ARHGAP15: variants seen among roughly 807,000 people sequenced by gnomAD.
ARHGAP15 encodes Rho GTPase activating protein 15, also known as rho GTPase-activating protein 15.
In ARHGAP15, 51 loss-of-function variants were observed where a neutral mutation model predicts 63.7. The ratio of observed to expected loss-of-function variants is 0.80; its 90% CI spans 0.64 to 1.01. The LOEUF (loss-of-function observed/expected upper bound fraction) is 1.01. Ranked by LOEUF, ARHGAP15 falls within the 50% of genes least tolerant of loss-of-function variation. The probability of loss-of-function intolerance (pLI) is 0.00; values close to 1 mark genes in which losing one functional copy is unlikely to be tolerated. For missense variants in ARHGAP15, 560 were observed against 564.6 expected (o/e 0.99, Z 0.08); for synonymous variants, 191 against 193.8 (o/e 0.99, Z 0.12).
chr2:143,553,684 T>C (rs1172829253), intron 10 of ARHGAP15, among the ~76,000 whole-genome samples: 3 of 152,238 alleles, frequency 2.0e-5, no homozygotes, highest in African/African-American at 7.2e-5. Flanking sequence ...GTCCAATCCA[T>C]ACTACTTTTT....
At chr2:143,700,016 A>C (rs1176252872) in intron 12 of ARHGAP15, among the ~76,000 whole-genome samples, 1 of 152,162 alleles carries the variant, frequency 6.6e-6, no homozygotes, top group Non-Finnish European at 1.5e-5. Context: ...TAGTTCACTC[A>C]CTAATTCCTT....
intron 8 of ARHGAP15, among the ~76,000 whole-genome samples, chr2:143,458,590 G>C (rs1690772824): frequency 6.6e-6 from 1 of 152,082 alleles, no homozygotes; most frequent in Admixed American, 6.6e-5. Flanking sequence ...ATTTGAAAAT[G>C]GACTCTTCAA....
chr2:143,338,027 A>T (rs1264555668), intron 6 of ARHGAP15, among the ~76,000 whole-genome samples: 2 of 152,194 alleles, frequency 1.3e-5, no homozygotes, highest in African/African-American at 4.8e-5. Flanking sequence ...TAACAATAAT[A>T]AACACTTACT....
intron 12 of ARHGAP15, among the ~76,000 whole-genome samples, chr2:143,681,812 T>G (rs560086827): frequency 6.6e-6 from 1 of 152,204 alleles, no homozygotes; most frequent in Admixed American, 6.5e-5. Flanking sequence ...AGCAAGCAAT[T>G]TGAGATAAAG....
At chr2:143,606,131 T>C (rs1390479922) in intron 11 of ARHGAP15, among the ~76,000 whole-genome samples, 1 of 150,978 alleles carries the variant, frequency 6.6e-6, no homozygotes, top group African/African-American at 2.4e-5. Flanking sequence ...TATACTACTT[T>C]TATCCTTGGA....
intron 6 of ARHGAP15, among the ~76,000 whole-genome samples, chr2:143,389,783 A>G (rs1687459123): frequency 6.6e-6 from 1 of 152,118 alleles, no homozygotes; most frequent in Non-Finnish European, 1.5e-5. Context: ...TTTCACCAGA[A>G]GTTGTGAAAT....
Position 143,630,857 on chromosome 2 carries a change from G to A in ARHGAP15, c.1138+6590G>A, listed in dbSNP as rs567108874. ...AGGTATAATTGGCATACAATGAACT[G>A]CATGTTTTAAAAGCTTAACTTTGAT... On this transcript the variant is annotated intron_variant, in intron 12 of 13. Transcript: ENST00000295095. Among the ~76,000 whole-genome samples the A allele has an allele frequency of 5.9e-5, 9 of 152,030 alleles. No individual in the cohort carries two copies. In the South Asian group the frequency reaches 1.9e-3, roughly 32 times the overall value.
rs1260081468 is a variant in ARHGAP15 at position 143,580,642 on chromosome 2, T to C, written c.1003+24157T>C. On this transcript the variant is annotated intron_variant, in intron 11 of 13. Coordinates refer to ENST00000295095, the MANE Select transcript of ARHGAP15 (RefSeq NM_018460.4). ...GTATTTTTAAATTTTAATATGCGTT[T>C]TATCACAATTATTTTAATACCTTAA... is the stretch of plus-strand genomic sequence containing the variant. Among the ~76,000 whole-genome samples, 4 of 152,232 alleles carry C rather than the reference T, an allele frequency of 2.6e-5. No homozygotes were observed. The East Asian group carries it at 7.7e-4, about 29-fold the overall frequency.
At chr2:143,235,796 T>A (rs775073967) in intron 5 of ARHGAP15, 15 of 843,462 alleles carry the variant, frequency 1.8e-5, no homozygotes, top group Non-Finnish European at 3.3e-6. Flanking sequence ...AGGAGTTGTC[T>A]GTTTGATTTA....
At chr2:143,301,561 TAG>T (rs1682895759) in intron 6 of ARHGAP15, among the ~76,000 whole-genome samples, 1 of 151,928 alleles carries the variant, frequency 6.6e-6, no homozygotes, top group South Asian at 2.1e-4. Context: ...AATATCTTCA[TAG>T]AGTTTATGAT....
At chr2:143,314,539 G>A (rs1383134268) in intron 6 of ARHGAP15, 1 of 151,954 alleles carries the variant, frequency 6.6e-6, no homozygotes, top group Non-Finnish European at 1.5e-5. Context: ...TACATAATTG[G>A]AATGAGACCA....
At chr2:143,266,350 G>T (rs533701145) in intron 6 of ARHGAP15, among the ~76,000 whole-genome samples, 3 of 152,160 alleles carry the variant, frequency 2.0e-5, no homozygotes, top group African/African-American at 7.2e-5. Flanking sequence ...GATAGGAGAA[G>T]GTAGCTGAAA....
At chr2:143,611,847 T>A (rs1034898368) in intron 11 of ARHGAP15, among the ~76,000 whole-genome samples, 1 of 152,182 alleles carries the variant, frequency 6.6e-6, no homozygotes, top group Non-Finnish European at 1.5e-5. Context: ...AAACAATAGT[T>A]TTCTTTGGTT....
chr2:143,348,128 G>T (rs1211099478), intron 6 of ARHGAP15, among the ~76,000 whole-genome samples: 2 of 152,050 alleles, frequency 1.3e-5, no homozygotes, highest in South Asian at 2.1e-4. Context: ...ACCTATTGGG[G>T]CACTAAGGTC....
intron 12 of ARHGAP15, among the ~76,000 whole-genome samples, chr2:143,670,179 G>A (rs1682445002): frequency 6.6e-6 from 1 of 152,088 alleles, no homozygotes. Flanking sequence ...AACATCCTCT[G>A]AGCAAACCCA....
intron 11 of ARHGAP15, among the ~76,000 whole-genome samples, chr2:143,560,023 T>TGA (rs572850615): frequency 5.6e-4 from 85 of 152,348 alleles, no homozygotes; most frequent in African/African-American, 2.0e-3. Context: ...AACTGATTTT[T>TGA]GAGATTTTCA....
chr2:143,432,655 G>T (rs186305934), intron 6 of ARHGAP15, among the ~76,000 whole-genome samples: 1 of 151,946 alleles, frequency 6.6e-6, no homozygotes, highest in African/African-American at 2.4e-5. Context: ...AATTTCCTGG[G>T]CATAAATTTC....
intron 11 of ARHGAP15, among the ~76,000 whole-genome samples, chr2:143,558,565 C>T (rs1169153664): frequency 6.6e-6 from 1 of 152,084 alleles, no homozygotes; most frequent in Non-Finnish European, 1.5e-5. Context: ...GTCTTGGAAT[C>T]AAAAAATAGG....
intron 10 of ARHGAP15, among the ~76,000 whole-genome samples, chr2:143,544,645 G>A (rs1197823873): frequency 6.6e-6 from 1 of 152,146 alleles, no homozygotes; most frequent in African/African-American, 2.4e-5. Flanking sequence ...TACCACATTT[G>A]TTACTGTATC....
Sources: allele counts gnomAD v4.1 joint callset (sites outside exome capture counted in the v4.1 genomes callset), GRCh38; gene constraint gnomAD v4.1.1; transcripts MANE v1.5; gene names NCBI Gene and HGNC (gene_info 2026-07-23, HGNC 2026-07-21).